The following TSPAN19 variants were observed in gnomAD, a reference collection of about 807,000 sequenced individuals.
TSPAN19 encodes tetraspanin 19, also known as tetraspanin-19.
In TSPAN19, 44 loss-of-function variants were observed where a neutral mutation model predicts 35.1. The observed-to-expected ratio is 1.25, with a 90% CI of 0.98 to 1.61. TSPAN19 has a LOEUF of 1.61. Ranked by LOEUF, TSPAN19 falls within the 40% of genes most tolerant of loss-of-function variation. The pLI, the probability that TSPAN19 is intolerant of heterozygous loss-of-function variation, is 0.00. For synonymous variants in TSPAN19, 79 were observed against 92.0 expected (o/e 0.86, Z 0.81); for missense variants, 290 against 280.0 (o/e 1.04, Z -0.26).
intron 7 of TSPAN19, 139 bp downstream of exon 7, chr12:85,017,317 T>A (rs368702325): frequency 7.0e-6 from 5 of 718,442 alleles, no homozygotes; most frequent in East Asian, 5.5e-5. Context: ...CGTGTTCAAC[T>A]TAGGGAAGTG....
Position 85,028,036 on chromosome 12 carries a change from C to T in TSPAN19, c.140-13G>A, listed in dbSNP as rs746720409. Reference sequence around the variant, plus strand: ...TGATTATTTTCATCTGTGAAAAGTACAAATTTACTTATTATGAAGTGGTAT... The same window carrying T: ...TGATTATTTTCATCTGTGAAAAGTATAAATTTACTTATTATGAAGTGGTAT... On this transcript the variant is annotated splice_polypyrimidine_tract_variant and intron_variant, in intron 3 of 8. Transcript: ENST00000532498. 6 of 1,511,794 alleles carry T rather than the reference C, an allele frequency of 4.0e-6. No homozygotes were observed. The highest frequency in any genetic ancestry group is 4.7e-5 in the East Asian group (2 of 42,878). The allele number at this position is 1,511,794 out of a possible 1,614,324, so 93.6% of individuals were successfully genotyped here. A position where few individuals can be genotyped will look rare whatever the true frequency, so the allele number is the denominator to read the frequency against.
chr12:85,029,088 T>C (rs184126157), intron 3 of TSPAN19, among the ~76,000 whole-genome samples: 3 of 152,286 alleles, frequency 2.0e-5, no homozygotes, highest in Admixed American at 6.5e-5. Context: ...GATGACATTA[T>C]AGGCACTTTG....
At chr12:85,022,134 T>C (rs1285504473) in intron 5 of TSPAN19, among the ~76,000 whole-genome samples, 3 of 152,028 alleles carry the variant, frequency 2.0e-5, no homozygotes, top group African/African-American at 7.2e-5. Flanking sequence ...GATGATAGAT[T>C]GGGATTTGGT....
At chr12:85,017,341 G>A (rs542695026) in intron 7 of TSPAN19, 115 bp downstream of exon 7, 3 of 910,954 alleles carry the variant, frequency 3.3e-6, no homozygotes, top group East Asian at 5.4e-5. Flanking sequence ...TAAGAATGTA[G>A]CCACCGTCAA....
chr12:85,025,843 T>C (rs552870187), intron 4 of TSPAN19, among the ~76,000 whole-genome samples: 1 of 152,356 alleles, frequency 6.6e-6, no homozygotes, highest in South Asian at 2.1e-4. Context: ...GAATAGCTTT[T>C]AGGCCTATAA....
intron 8 of TSPAN19, chr12:85,014,911 C>CT (rs1217558952): frequency 1.4e-4 from 23 of 160,208 alleles, no homozygotes; most frequent in East Asian, 7.0e-4. Context: ...AAAACTGCTT[C>CT]TTTTTTTTAT....
intron 7 of TSPAN19, chr12:85,016,185 C>T (rs1876784932): frequency 2.5e-6 from 1 of 395,506 alleles, no homozygotes; most frequent in Non-Finnish European, 4.5e-6. Context: ...AAGATGTTAT[C>T]ATGTAATTAA....
Position 85,019,615 on chromosome 12 carries a change from T to C in TSPAN19, c.450+11A>G, listed in dbSNP as rs1034956096. The C allele has an allele frequency of 6.5e-7, 1 of 1,542,330 alleles. No individual in the cohort carries two copies. The highest frequency in any genetic ancestry group is 1.7e-5 in the Admixed American group (1 of 59,150). ...TACTGACATCTAATTTTTTAGTTAA[T>C]TTCATCTTACTGTTTTCTGTAAGGC... On this transcript the variant is annotated intron_variant, in intron 6 of 8. Coordinates refer to ENST00000532498, the MANE Select transcript of TSPAN19 (RefSeq NM_001100917.2).
intron 3 of TSPAN19, 46 bp from the exon 4 acceptor site, chr12:85,028,069 G>T: frequency 7.1e-7 from 1 of 1,408,398 alleles, no homozygotes; most frequent in African/African-American, 1.5e-5. Context: ...TATTTTATAT[G>T]AAGTGGTATT....
At chr12:85,016,383 A>C (rs1420110157) in intron 7 of TSPAN19, 1 of 152,502 alleles carries the variant, frequency 6.6e-6, no homozygotes, top group South Asian at 2.1e-4. Flanking sequence ...AATAGAGTTT[A>C]ATTTATAAAT....
At chr12:85,015,586 G>T in intron 8 of TSPAN19, 13 of 135,220 alleles carry the variant, frequency 9.6e-5, no homozygotes, top group Non-Finnish European at 1.4e-4. Context: ...ACACACACAC[G>T]TAAATATATC....
At chr12:85,033,917 T>C (rs1448988012) in intron 1 of TSPAN19, among the ~76,000 whole-genome samples, 1 of 152,154 alleles carries the variant, frequency 6.6e-6, no homozygotes, top group African/African-American at 2.4e-5. Flanking sequence ...CGTTATATCA[T>C]AAGGCTAGAA....
intron 3 of TSPAN19, 61 bp downstream of exon 3, chr12:85,029,658 A>G: frequency 7.9e-7 from 1 of 1,270,380 alleles, no homozygotes; most frequent in Non-Finnish European, 1.1e-6. Context: ...TAAATTGTGT[A>G]TACAACTGTT....
intron 5 of TSPAN19, among the ~76,000 whole-genome samples, chr12:85,022,561 T>C: frequency 6.6e-6 from 1 of 152,256 alleles, no homozygotes; most frequent in East Asian, 1.9e-4. Flanking sequence ...GTATTAATTA[T>C]ATTTTACAGA....
chr12:85,029,574 T>C (rs1404878296), intron 3 of TSPAN19, 145 bp downstream of exon 3: 1 of 760,688 alleles, frequency 1.3e-6, no homozygotes, highest in Non-Finnish European at 2.1e-6. Flanking sequence ...AAAAAATCTC[T>C]ACAACTGATG....
At chr12:85,029,627 G>A (rs759978880) in intron 3 of TSPAN19, 92 bp downstream of exon 3, 45 of 1,003,842 alleles carry the variant, frequency 4.5e-5, no homozygotes, top group Non-Finnish European at 6.0e-5. Context: ...AAATTACAGA[G>A]AAATACTGCC....
At chr12:85,030,086 C>T in intron 1 of TSPAN19, 113 bp from the exon 2 acceptor site, 1 of 820,674 alleles carries the variant, frequency 1.2e-6, no homozygotes, top group Non-Finnish European at 1.7e-6. Flanking sequence ...ATCAGTATAA[C>T]ATACTTCCAT....
intron 8 of TSPAN19, 126 bp downstream of exon 8, chr12:85,015,762 G>A: frequency 3.2e-6 from 2 of 624,876 alleles, no homozygotes; most frequent in Non-Finnish European, 5.3e-6. Context: ...TGGATGTAAA[G>A]AGCCTCAAAG....
chr12:85,029,812 C>T, intron 2 of TSPAN19, 21 bp from the exon 3 acceptor site: 1 of 1,538,966 alleles, frequency 6.5e-7, no homozygotes, highest in Non-Finnish European at 8.7e-7. Flanking sequence ...AAAGTCAATG[C>T]TTATTTTTTT....
Sources: allele counts gnomAD v4.1 joint callset (sites outside exome capture counted in the v4.1 genomes callset), GRCh38; gene constraint gnomAD v4.1.1; transcripts MANE v1.5; gene names NCBI Gene and HGNC (gene_info 2026-07-23, HGNC 2026-07-21).